The following CIITA variants were observed in gnomAD, a reference collection of about 807,000 sequenced individuals.
CIITA encodes the protein MHC class II transactivator.
Under a neutral mutation model 115.1 loss-of-function variants are expected in CIITA, and 72 were observed. The observed-to-expected ratio is 0.63, with a 90% CI of 0.52 to 0.76. The LOEUF (loss-of-function observed/expected upper bound fraction) is 0.76. Among genes scored for constraint, CIITA ranks in the 30% least tolerant of loss-of-function variants. The pLI is 0.00. For synonymous variants in CIITA, 763 were observed against 635.6 expected (o/e 1.20, Z -3.02); for missense variants, 1,617 against 1,463.8 (o/e 1.10, Z -1.71).
chr16:10,911,249 TTC>T (rs58398974), intron 13 of CIITA, among the ~76,000 whole-genome samples: 23 of 151,888 alleles, frequency 1.5e-4, no homozygotes, highest in Admixed American at 5.2e-4. Context: ...CTTTCTTTCT[TTC>T]TCTCTTTCTT....
chr16:10,891,965 G>A (rs1176776900), intron 1 of CIITA, among the ~76,000 whole-genome samples: 1 of 152,192 alleles, frequency 6.6e-6, no homozygotes, highest in Non-Finnish European at 1.5e-5. Context: ...ATCATTCTCT[G>A]TGACATCCGG....
rs1050439899 is a variant in CIITA at position 10,930,289 on chromosome 16, A to G, written c.*6434A>G. ...GCAGAACTTGTATGTTAAACATGTG[A>G]CATGTATTGTTGTTTGACAGGGTGC... On this transcript the variant is annotated 3_prime_UTR_variant, in exon 20 of 20. Transcript: ENST00000324288. The G allele has an allele frequency of 2.0e-5, 3 of 152,228 alleles. No homozygotes were observed. The highest frequency in any genetic ancestry group is 7.2e-5 in the African/African-American group (3 of 41,448). The allele number at this position is 152,228 out of a possible 1,614,324, so 9.4% of individuals were successfully genotyped here.
At chr16:10,888,488 G>C (rs8043545) in intron 1 of CIITA, 49,630 of 152,146 alleles carry the variant, frequency 0.33, 8,969 homozygotes, top group East Asian at 0.54. Context: ...TTAGAACATT[G>C]TGGCGACACC....
chr16:10,921,455 T>C (rs918722342), intron 16 of CIITA, among the ~76,000 whole-genome samples: 1 of 152,242 alleles, frequency 6.6e-6, no homozygotes, highest in Non-Finnish European at 1.5e-5. Flanking sequence ...CCAATGTTCC[T>C]GTGATGTAGT....
At position 10,895,773 on chromosome 16, in the gene CIITA, G is replaced by C; in HGVS notation, c.295+9G>C. The C allele has an allele frequency of 6.2e-7, 1 of 1,613,658 alleles. No individual in the cohort carries two copies. Among genetic ancestry groups the C allele is most frequent in the South Asian group, 1.1e-5 (1 of 91,048 alleles). ...GGCTTATGCCAATATCGGTGAGGAA[G>C]CACCTGAGCCCAGAAAAGGACAATC... On this transcript the variant is annotated intron_variant, in intron 3 of 19. Coordinates refer to ENST00000324288, the MANE Select transcript of CIITA (RefSeq NM_000246.4).
Position 10,923,087 on chromosome 16 carries a change from A to G in CIITA, c.3318-141A>G, listed in dbSNP as rs1446525262. 1 of 757,500 alleles carries G rather than the reference A, an allele frequency of 1.3e-6. No individual in the cohort carries two copies. Among genetic ancestry groups the G allele is most frequent in the Non-Finnish European group, 2.4e-6 (1 of 424,986 alleles). 46.9% of individuals were successfully genotyped at this position (757,500 alleles called of 1,614,324 possible). A position where few individuals can be genotyped will look rare whatever the true frequency, so the allele number is the denominator to read the frequency against. ...AGGCTTCTCCTTTTCCCCATGACCC[A>G]CACCGGTCGGTATCTTGCCAGGGGA... On this transcript the variant is annotated intron_variant, in intron 18 of 19. Coordinates refer to ENST00000324288, the MANE Select transcript of CIITA (RefSeq NM_000246.4). The surrounding 1 kb of genome is among the most constrained non-coding windows in gnomAD (Gnocchi z 5.2).
Position 10,898,717 on chromosome 16 carries a change from A to G in CIITA, c.343A>G (p.Ser115Gly). 1 of 1,611,924 alleles carries G rather than the reference A, an allele frequency of 6.2e-7. No individual in the cohort carries two copies. Among genetic ancestry groups the G allele is most frequent in the Non-Finnish European group, 8.5e-7 (1 of 1,179,148 alleles). ...VFQDSQLEGLSKDIFKHIGPD... is the reference protein window; with the variant it reads ...VFQDSQLEGLGKDIFKHIGPD... Reference sequence around the variant, plus strand: ...CCAGGACTCCCAGCTGGAGGGCCTGAGCAAGGACATTTTCAGTAAGTTTGT... The same window carrying G: ...CCAGGACTCCCAGCTGGAGGGCCTGGGCAAGGACATTTTCAGTAAGTTTGT... Residue 115 changes from serine (S) to glycine (G), a missense_variant, in exon 4 of 20, where the codon AGC becomes GGC. Ser to Gly is a moderately conservative substitution (Grantham distance 56, BLOSUM62 0). Coordinates refer to ENST00000324288, the MANE Select transcript of CIITA (RefSeq NM_000246.4).
chr16:10,895,512 C>A, intron 2 of CIITA, 84 bp downstream of exon 2: 3 of 1,590,730 alleles, frequency 1.9e-6, no homozygotes, highest in South Asian at 1.1e-5. Context: ...AAATTCTGGT[C>A]CCTGCCCTCC....
intron 1 of CIITA, 65 bp downstream of exon 1, chr16:10,877,447 A>G (rs2035935936): frequency 6.6e-7 from 1 of 1,504,434 alleles, no homozygotes; most frequent in African/African-American, 1.4e-5. Context: ...CATTCCAGAT[A>G]AACAGAGAAA....
chr16:10,912,054 C>T (rs750367496), intron 13 of CIITA, among the ~76,000 whole-genome samples: 3 of 152,170 alleles, frequency 2.0e-5, no homozygotes, highest in Non-Finnish European at 2.9e-5. Flanking sequence ...AATGTTTGTT[C>T]CTTGGTAGGG....
intron 1 of CIITA, among the ~76,000 whole-genome samples, chr16:10,887,908 C>A (rs2037124549): frequency 2.0e-5 from 3 of 152,164 alleles, no homozygotes; most frequent in Admixed American, 1.3e-4. Flanking sequence ...GATAGACTCC[C>A]CGCCTCTGGG....
Position 10,907,124 on chromosome 16 carries a change from C to T in CIITA, c.1632C>T (p.Leu544=). The stretch of plus-strand genomic sequence containing the variant: ...AGCTGCTCCGAGGTTGCACCCTCCT[C>T]CTCACAGCCCGGCCCCGGGGCCGCC... ...QKKLLRGCTL[L]LTARPRGRLV... is the part of the protein sequence containing the mutation. The change falls in exon 11 of 20, where the codon CTC becomes CTT. Residue 544 remains leucine, a synonymous_variant. Transcript: ENST00000324288. This position sits in a 1 kb window ranked among gnomAD's most constrained non-coding sequence, Gnocchi z 5.0. 1.9e-6 allele frequency: 3 copies of T among 1,611,994 alleles called. No individual in the cohort carries two copies. The highest frequency in any genetic ancestry group is 2.5e-6 in the Non-Finnish European group (3 of 1,179,796).
chr16:10,882,937 G>T (rs1427526593), intron 1 of CIITA, among the ~76,000 whole-genome samples: 1 of 152,164 alleles, frequency 6.6e-6, no homozygotes, highest in Non-Finnish European at 1.5e-5. Flanking sequence ...GGGCCCGGCT[G>T]CAGACTCCCT....
Position 10,935,471 on chromosome 16 carries a change from T to A in CIITA, c.*11616T>A, listed in dbSNP as rs2040988161. The A allele has an allele frequency of 6.6e-6, 1 of 152,248 alleles. No homozygotes were observed. Among genetic ancestry groups the A allele is most frequent in the Non-Finnish European group, 1.5e-5 (1 of 68,046 alleles). 9.4% of individuals were successfully genotyped at this position (152,248 alleles called of 1,614,324 possible). A position where few individuals can be genotyped will look rare whatever the true frequency, so the allele number is the denominator to read the frequency against. ...CTTTGGCAGTTAGTGTTTTTATCCA[T>A]GCCAAGCGATGATGATTTTCTCTTT... On this transcript the variant is annotated 3_prime_UTR_variant, in exon 20 of 20. Transcript: ENST00000324288.
intron 1 of CIITA, among the ~76,000 whole-genome samples, chr16:10,892,365 G>A (rs1263961802): frequency 6.6e-6 from 1 of 151,954 alleles, no homozygotes; most frequent in Non-Finnish European, 1.5e-5. Context: ...GGAATGGGGT[G>A]GCAAGTTGAG....
At chr16:10,886,681 T>C (rs1375149053) in intron 1 of CIITA, among the ~76,000 whole-genome samples, 3 of 152,324 alleles carry the variant, frequency 2.0e-5, no homozygotes, top group African/African-American at 4.8e-5. Context: ...CTGTTTTATT[T>C]TTGGAGTTTA....
chr16:10,891,439 G>A (rs112842547), intron 1 of CIITA, among the ~76,000 whole-genome samples: 113 of 152,216 alleles, frequency 7.4e-4, no homozygotes, highest in Middle Eastern at 6.8e-3. Flanking sequence ...AACTGAGTTT[G>A]GGTAACTTAT....
intron 1 of CIITA, among the ~76,000 whole-genome samples, chr16:10,888,969 G>A (rs2037246272): frequency 6.6e-6 from 1 of 152,246 alleles, no homozygotes; most frequent in Non-Finnish European, 1.5e-5. Flanking sequence ...TGATGTGTAA[G>A]TTAGACCAAA....
At chr16:10,908,592 T>C (rs2144757679) in intron 11 of CIITA, 1 of 417,544 alleles carries the variant, frequency 2.4e-6, no homozygotes, top group Non-Finnish European at 4.5e-6. Context: ...TTGAATCTGA[T>C]TGTATCCCAT....
Sources: allele counts gnomAD v4.1 joint callset (sites outside exome capture counted in the v4.1 genomes callset), GRCh38; gene constraint gnomAD v4.1.1; non-coding constraint Gnocchi (gnomAD v3.1); transcripts MANE v1.5; gene names NCBI Gene and HGNC (gene_info 2026-07-23, HGNC 2026-07-21).